RBMS1: variants seen among roughly 807,000 people sequenced by gnomAD.
RBMS1 encodes RNA binding motif single stranded interacting protein 1.
RBMS1 carries 17 observed loss-of-function variants against 62.3 expected under a neutral mutation model. That is an observed-to-expected ratio of 0.27 (90% CI 0.19 to 0.41). RBMS1 has a LOEUF of 0.41. RBMS1 is among the 10% of genes least tolerant of loss of function. RBMS1 has a pLI of 1.00. For missense variants in RBMS1, 334 were observed against 504.5 expected (o/e 0.66, Z 3.24); for synonymous variants, 172 against 170.0 (o/e 1.01, Z -0.09).
intron 1 of RBMS1, among the ~76,000 whole-genome samples, chr2:160,468,193 A>C (rs921305703): frequency 6.6e-6 from 1 of 152,306 alleles, no homozygotes; most frequent in Admixed American, 6.5e-5. Context: ...CATTTTCCTA[A>C]AAGAATAAGG....
At chr2:160,432,648 A>G (rs1682947331) in intron 1 of RBMS1, among the ~76,000 whole-genome samples, 1 of 152,208 alleles carries the variant, frequency 6.6e-6, no homozygotes, top group African/African-American at 2.4e-5. Context: ...CTGCAAATCA[A>G]TTGTCCAAAA....
chr2:160,309,373 A>G (rs1689724642), intron 4 of RBMS1, among the ~76,000 whole-genome samples: 1 of 152,162 alleles, frequency 6.6e-6, no homozygotes, highest in Non-Finnish European at 1.5e-5. Flanking sequence ...GGAATCTTCA[A>G]GGAGAAAGGC....
chr2:160,395,641 A>C (rs1344366313), intron 1 of RBMS1, among the ~76,000 whole-genome samples: 3 of 152,142 alleles, frequency 2.0e-5, no homozygotes, highest in African/African-American at 7.2e-5. Flanking sequence ...AAAAAAAAAA[A>C]AAAAATCAGA....
chr2:160,428,528 A>AT (rs1267988485), intron 1 of RBMS1, among the ~76,000 whole-genome samples: 3 of 151,046 alleles, frequency 2.0e-5, no homozygotes, highest in Non-Finnish European at 4.4e-5. Flanking sequence ...GAAGAAAAAA[A>AT]CTCTATGGAT....
chr2:160,432,078 ATTATAT>A (rs1439944401), intron 1 of RBMS1, among the ~76,000 whole-genome samples: 5 of 152,180 alleles, frequency 3.3e-5, no homozygotes, highest in African/African-American at 7.2e-5. Flanking sequence ...ACATGAATCT[ATTATAT>A]TTAAAGAATT....
intron 4 of RBMS1, among the ~76,000 whole-genome samples, chr2:160,305,879 A>G (rs1039334340): frequency 6.6e-6 from 1 of 152,136 alleles, no homozygotes; most frequent in Non-Finnish European, 1.5e-5. Context: ...AGTGGCTCAC[A>G]CTTGCAATCC....
chr2:160,344,099 C>A (rs1214922112), intron 2 of RBMS1, among the ~76,000 whole-genome samples: 1 of 152,074 alleles, frequency 6.6e-6, no homozygotes, highest in African/African-American at 2.4e-5. Context: ...GCAGCTGCTA[C>A]CTTTTAAATG....
chr2:160,478,375 T>G (rs1685229950), intron 1 of RBMS1, among the ~76,000 whole-genome samples: 1 of 152,204 alleles, frequency 6.6e-6, no homozygotes, highest in Non-Finnish European at 1.5e-5. Flanking sequence ...GTACCTTGCT[T>G]TTACTCAATC....
chr2:160,455,451 T>C lies in RBMS1; in HGVS notation c.75+37838A>G, dbSNP rs575864407. Among the ~76,000 whole-genome samples, 71 of 152,332 alleles carry C rather than the reference T, an allele frequency of 4.7e-4. 1 individual carries two copies. Among genetic ancestry groups the C allele is most frequent in the African/African-American group, 1.7e-3 (70 of 41,572 alleles). On this transcript the variant is annotated intron_variant, in intron 1 of 13. Transcript: ENST00000348849. ...GAAAGGGTGAGAAGAAAGAAGAAGA[T>C]AAATATAATTGCAGACTGAACAAAA...
chr2:160,314,729 T>C (rs1052043699), intron 3 of RBMS1, among the ~76,000 whole-genome samples: 6 of 152,278 alleles, frequency 3.9e-5, no homozygotes, highest in Non-Finnish European at 5.9e-5. Flanking sequence ...AAGGCTTAAT[T>C]TGATTTAGAC....
chr2:160,304,248 T>C (rs1036963023), intron 4 of RBMS1, among the ~76,000 whole-genome samples: 2 of 152,188 alleles, frequency 1.3e-5, no homozygotes, highest in Non-Finnish European at 2.9e-5. Context: ...TCAGCTTTCC[T>C]ACTTAAGCAG....
intron 1 of RBMS1, among the ~76,000 whole-genome samples, chr2:160,391,903 C>T (rs1012254328): frequency 2.0e-5 from 3 of 151,712 alleles, no homozygotes; most frequent in Non-Finnish European, 2.9e-5. Flanking sequence ...GAGGTTGCAC[C>T]GAGCTGAGAT....
At chr2:160,383,828 T>C (rs534288511) in intron 1 of RBMS1, among the ~76,000 whole-genome samples, 9 of 152,318 alleles carry the variant, frequency 5.9e-5, no homozygotes, top group South Asian at 2.1e-4. Flanking sequence ...TAACAACTAA[T>C]AGGTCATCTT....
chr2:160,493,239 G>A, intron 1 of RBMS1, 50 bp downstream of exon 1: 4 of 1,566,220 alleles, frequency 2.6e-6, no homozygotes, highest in Admixed American at 1.7e-5. Flanking sequence ...CCCTGCGCGC[G>A]TCCCCGGGCC....
At chr2:160,277,505 T>C in intron 11 of RBMS1, 122 bp from the exon 12 acceptor site, 1 of 692,254 alleles carries the variant, frequency 1.4e-6, no homozygotes, top group East Asian at 2.6e-5. Flanking sequence ...TTAAATGGGC[T>C]ACACCTCAAA....
intron 2 of RBMS1, among the ~76,000 whole-genome samples, chr2:160,333,745 C>A (rs1691411740): frequency 6.6e-6 from 1 of 152,032 alleles, no homozygotes; most frequent in Admixed American, 6.6e-5. Context: ...CTTCTAGGTC[C>A]ATTAAATGAA....
At chr2:160,286,165 TG>T (rs1457398655) in intron 7 of RBMS1, among the ~76,000 whole-genome samples, 37 of 151,846 alleles carry the variant, frequency 2.4e-4, no homozygotes, top group Admixed American at 1.1e-3. Context: ...CCAGGAGTGG[TG>T]GCATGTCCCT....
chr2:160,340,052 T>C (rs1049117785), intron 2 of RBMS1, among the ~76,000 whole-genome samples: 6 of 152,216 alleles, frequency 3.9e-5, no homozygotes, highest in African/African-American at 1.4e-4. Flanking sequence ...GCCAATCAAC[T>C]GTTGAGAGGG....
rs576228096 is a variant in RBMS1, at chr2:160,366,467, C to T, written c.251+749G>A. On this transcript the variant is annotated intron_variant, in intron 2 of 13. Coordinates refer to ENST00000348849, the MANE Select transcript of RBMS1 (RefSeq NM_016836.4). ...CTTATATGTGTAGGCTTTTCTAGCTCGATGCAATTTGATGCTTTCAGTCCT... is the reference window on the plus strand; with the variant it reads ...CTTATATGTGTAGGCTTTTCTAGCTTGATGCAATTTGATGCTTTCAGTCCT... 7.9e-5 allele frequency among the ~76,000 whole-genome samples: 12 copies of T among 152,246 alleles called. 1 individual carries two copies. Among genetic ancestry groups the T allele is most frequent in the African/African-American group, 2.9e-4 (12 of 41,552 alleles).
Sources: allele counts gnomAD v4.1 joint callset (sites outside exome capture counted in the v4.1 genomes callset), GRCh38; gene constraint gnomAD v4.1.1; transcripts MANE v1.5; gene names NCBI Gene and HGNC (gene_info 2026-07-23, HGNC 2026-07-21).